The following SCN11A variants were observed in gnomAD, a reference collection of about 807,000 sequenced individuals.
SCN11A encodes the protein sodium channel protein type 11 subunit alpha.
In SCN11A, 122 loss-of-function variants were observed where a neutral mutation model predicts 162.2. That is an observed-to-expected ratio of 0.75 (90% CI 0.65 to 0.87). The LOEUF is 0.87. Among genes scored for constraint, SCN11A ranks in the 40% least tolerant of loss-of-function variants. SCN11A has a pLI of 0.00. For missense variants in SCN11A, 2,015 were observed against 2,181.6 expected, an observed-to-expected ratio of 0.92 and a Z score of 1.52; for synonymous variants, 758 against 751.5, an observed-to-expected ratio of 1.01 and a Z score of -0.14.
intron 2 of SCN11A, among the ~76,000 whole-genome samples, chr3:39,000,811 T>C (rs1471397149): frequency 6.6e-6 from 1 of 152,002 alleles, no homozygotes; most frequent in East Asian, 1.9e-4. Flanking sequence ...CCAAGGCGGG[T>C]GGATCACTTG....
chr3:38,905,780 C>A, intron 14 of SCN11A, among the ~76,000 whole-genome samples: 1 of 152,216 alleles, frequency 6.6e-6, no homozygotes, highest in East Asian at 1.9e-4. Context: ...ACCGCCTATA[C>A]GGTTTTTAAA....
At chr3:38,933,057 G>A (rs538073279) in intron 7 of SCN11A, among the ~76,000 whole-genome samples, 8 of 152,300 alleles carry the variant, frequency 5.3e-5, no homozygotes, top group South Asian at 2.1e-4. Flanking sequence ...AGCAGCATTC[G>A]CGGTTCACAA....
chr3:38,933,207 A>T (rs1420461226), intron 7 of SCN11A, among the ~76,000 whole-genome samples: 1 of 152,180 alleles, frequency 6.6e-6, no homozygotes, highest in Non-Finnish European at 1.5e-5. Flanking sequence ...GGACACCCAC[A>T]CCAAAAACCC....
intron 2 of SCN11A, among the ~76,000 whole-genome samples, chr3:38,990,892 G>A (rs1031481626): frequency 6.6e-6 from 1 of 152,076 alleles, no homozygotes; most frequent in Non-Finnish European, 1.5e-5. Flanking sequence ...AGGCAGTAAA[G>A]GAGATGAGAA....
At chr3:38,913,561 A>C (rs1180461942) in intron 11 of SCN11A, among the ~76,000 whole-genome samples, 1 of 152,166 alleles carries the variant, frequency 6.6e-6, no homozygotes. Context: ...TCATCATGAA[A>C]TATTTGCCCA....
intron 24 of SCN11A, 66 bp from the exon 25 acceptor site, chr3:38,871,774 T>C (rs1465445684): frequency 4.3e-5 from 57 of 1,320,494 alleles, no homozygotes; most frequent in Non-Finnish European, 5.7e-5. Flanking sequence ...CTTCAACTTC[T>C]CAGCATGGGC....
At chr3:38,883,158 C>G (rs371919774) in intron 22 of SCN11A, 75 bp downstream of exon 22, 2 of 1,368,102 alleles carry the variant, frequency 1.5e-6, no homozygotes, top group African/African-American at 1.4e-5. Flanking sequence ...CACAGTCCCA[C>G]GAGAAGCCAA....
chr3:39,047,647 C>T (rs1255016221), intron 1 of SCN11A, among the ~76,000 whole-genome samples: 1 of 151,898 alleles, frequency 6.6e-6, no homozygotes, highest in Non-Finnish European at 1.5e-5. Flanking sequence ...GAATTAATAT[C>T]CAGGAAGTAT....
At chr3:38,907,310 A>ATGTGTGTGTGTGTGTGTGTGTG (rs141158768) in intron 14 of SCN11A, among the ~76,000 whole-genome samples, 30 of 119,232 alleles carry the variant, frequency 2.5e-4, no homozygotes, top group Admixed American at 1.4e-3. Flanking sequence ...ACCAACATAT[A>ATGTGTGTGTGTGTGTGTGTGTG]TGTGTGTGTG....
chr3:38,867,465 G>C lies in SCN11A; in HGVS notation c.3814-7C>G, dbSNP rs1243082917. On this transcript the variant is annotated splice_polypyrimidine_tract_variant and splice_region_variant and intron_variant, in intron 26 of 29. Coordinates refer to ENST00000302328, the MANE Select transcript of SCN11A (RefSeq NM_001349253.2). ...ACTCTGGCTGTTGTTCTTTCTGTTAGAAATTTTTTTAATAAGAGAAAAAAA... is the reference window on the plus strand; with the variant it reads ...ACTCTGGCTGTTGTTCTTTCTGTTACAAATTTTTTTAATAAGAGAAAAAAA... 2 of 1,587,866 alleles carry C rather than the reference G, an allele frequency of 1.3e-6. No individual in the cohort carries two copies. Among genetic ancestry groups the C allele is most frequent in the East Asian group, 2.2e-5 (1 of 44,702 alleles).
In SCN11A at chr3:38,871,480, T is replaced by C. The variant is rs769151002; in HGVS notation, c.3724A>G (p.Asn1242Asp). The change falls in exon 25 of 30, where the codon AAT becomes GAT. Residue 1242 changes from asparagine (N) to aspartate (D), a missense_variant. Asn to Asp is a conservative substitution (Grantham distance 23, BLOSUM62 1). Coordinates refer to ENST00000302328, the MANE Select transcript of SCN11A (RefSeq NM_001349253.2). ...AGAGCGAGGTAAGCATTTCCCACAT[T>C]GTCAAAGTTGACTTTCTGGTTGATC... Reference protein sequence around the residue: ...SWINQKVNFDNVGNAYLALLQ... With the variant: ...SWINQKVNFDDVGNAYLALLQ... 3.1e-6 allele frequency: 5 copies of C among 1,612,338 alleles called. No individual in the cohort carries two copies. The highest frequency in any genetic ancestry group is 4.2e-6 in the Non-Finnish European group (5 of 1,179,302).
chr3:39,037,578 A>T (rs768000807), intron 1 of SCN11A, among the ~76,000 whole-genome samples: 3 of 152,116 alleles, frequency 2.0e-5, no homozygotes, highest in Non-Finnish European at 4.4e-5. Flanking sequence ...CCTCTATCAA[A>T]GTATCTCATG....
chr3:38,996,479 G>A (rs962245927), intron 2 of SCN11A, among the ~76,000 whole-genome samples: 7 of 152,140 alleles, frequency 4.6e-5, no homozygotes, highest in Non-Finnish European at 1.0e-4. Flanking sequence ...GTGGCTTCCA[G>A]GAAGCATTTT....
Position 38,885,310 on chromosome 3 carries a change from T to C in SCN11A, c.3042A>G (p.Gln1014=). 6.2e-7 allele frequency: 1 copy of C among 1,610,144 alleles called. No homozygotes were observed. Among genetic ancestry groups the C allele is most frequent in the South Asian group, 1.1e-5 (1 of 91,002 alleles). ...GWLPEMVPKK[Q]PERCLPKGFG... The stretch of plus-strand genomic sequence containing the variant: ...TACCTTTGGGCAAACATCTCTCTGG[T>C]TGCTTTTTGGGAACCATCTCAGGTA... The change falls in exon 21 of 30, where the codon CAA becomes CAG. Residue 1014 remains glutamine, a synonymous_variant. Coordinates refer to ENST00000302328, the MANE Select transcript of SCN11A (RefSeq NM_001349253.2).
intron 2 of SCN11A, among the ~76,000 whole-genome samples, chr3:38,963,393 GAT>G (rs765572967): frequency 0.11 from 6,293 of 55,558 alleles, 539 homozygotes; most frequent in East Asian, 0.18. Flanking sequence ...ATATGATGGA[GAT>G]ATATATATAT....
At chr3:39,017,714 T>A (rs527321985) in intron 2 of SCN11A, among the ~76,000 whole-genome samples, 10 of 148,652 alleles carry the variant, frequency 6.7e-5, no homozygotes, top group African/African-American at 2.4e-4. Context: ...GTTCTATGTC[T>A]TTTTTTTTAC....
chr3:39,010,595 G>A (rs2031103771), intron 2 of SCN11A, among the ~76,000 whole-genome samples: 2 of 152,014 alleles, frequency 1.3e-5, no homozygotes, highest in Non-Finnish European at 2.9e-5. Context: ...AGCCAGGATG[G>A]TCTTGATCTC....
chr3:38,935,775 A>G (rs561690993), intron 7 of SCN11A, among the ~76,000 whole-genome samples: 4 of 152,226 alleles, frequency 2.6e-5, no homozygotes, highest in African/African-American at 4.8e-5. Flanking sequence ...ATTCACAGCC[A>G]AATTCTACCA....
chr3:38,910,272 A>C, intron 11 of SCN11A, 65 bp from the exon 12 acceptor site: 84 of 1,504,920 alleles, frequency 5.6e-5, no homozygotes, highest in South Asian at 6.4e-5. Flanking sequence ...TTTTCCTTCC[A>C]ACGACTCTGG....
Sources: allele counts gnomAD v4.1 joint callset (sites outside exome capture counted in the v4.1 genomes callset), GRCh38; gene constraint gnomAD v4.1.1; transcripts MANE v1.5; gene names NCBI Gene and HGNC (gene_info 2026-07-23, HGNC 2026-07-21).